TLN2: variants seen among roughly 807,000 people sequenced by gnomAD.
The protein encoded by TLN2 is talin 2.
In TLN2, 118 loss-of-function variants were observed where a neutral mutation model predicts 294.7. The observed-to-expected ratio is 0.40, with a 90% CI of 0.34 to 0.47. The LOEUF is 0.47. TLN2 is among the 20% of genes least tolerant of loss of function. The pLI is 0.84. For synonymous variants in TLN2, 1,431 were observed against 1,304.5 expected, an observed-to-expected ratio of 1.10 and a Z score of -2.09; for missense variants, 3,083 against 3,282.2, an observed-to-expected ratio of 0.94 and a Z score of 1.48.
chr15:62,702,900 G>A, intron 19 of TLN2, 36 bp downstream of exon 19: 2 of 1,590,240 alleles, frequency 1.3e-6, no homozygotes, highest in Non-Finnish European at 1.7e-6. Context: ...ATGGAAAGAA[G>A]TCTAAGTGAT....
intron 42 of TLN2, among the ~76,000 whole-genome samples, chr15:62,772,555 T>A (rs1176213751): frequency 6.6e-6 from 1 of 152,154 alleles, no homozygotes; most frequent in East Asian, 1.9e-4. Context: ...CTGACTCACT[T>A]CTGGGTTGTC....
intron 45 of TLN2, among the ~76,000 whole-genome samples, chr15:62,791,768 G>A (rs926717935): frequency 2.0e-5 from 3 of 152,296 alleles, no homozygotes; most frequent in African/African-American, 7.2e-5. Context: ...TGCCTACCTG[G>A]GCTGGAAGGC....
rs945606093 is a variant in TLN2 at position 62,424,852 on chromosome 15, T to A, written c.-238+34167T>A. On this transcript the variant is annotated intron_variant, in intron 1 of 58. Coordinates refer to ENST00000636159, the MANE Select transcript of TLN2 (RefSeq NM_015059.3). ...ATTTTTAGTAGAGGTGGGGTTTCACTGTGTTGGCCAGGCTGGTCTTGAACT... is the reference window on the plus strand; with the variant it reads ...ATTTTTAGTAGAGGTGGGGTTTCACAGTGTTGGCCAGGCTGGTCTTGAACT... Among the ~76,000 whole-genome samples the A allele has an allele frequency of 2.0e-5, 3 of 147,894 alleles. No homozygotes were observed. In the Admixed American group the frequency reaches 2.0e-4, roughly 10 times the overall value.
At position 62,800,686 on chromosome 15, in the gene TLN2, A is replaced by G. The variant is rs1204423566; in HGVS notation, c.6394A>G (p.Thr2132Ala). Residue 2132 changes from threonine to alanine, a missense_variant, in exon 50 of 59, where the codon ACT becomes GCT. Physicochemically the swap from Thr to Ala is moderately conservative, Grantham distance 58. Transcript: ENST00000636159. ...GACCAATGTCACCTCGCTCCTCAAGACTGTAAAGGCAGTGGAGGATGAGGC... is the reference window on the plus strand; with the variant it reads ...GACCAATGTCACCTCGCTCCTCAAGGCTGTAAAGGCAGTGGAGGATGAGGC... The part of the protein sequence containing the change: ...MVTNVTSLLK[T>A]VKAVEDEATR... The G allele has an allele frequency of 6.2e-7, 1 of 1,614,002 alleles. No homozygotes were observed. Among genetic ancestry groups the G allele is most frequent in the Non-Finnish European group, 8.5e-7 (1 of 1,180,018 alleles).
At chr15:62,578,215 A>T (rs184917893) in intron 1 of TLN2, among the ~76,000 whole-genome samples, 8 of 152,258 alleles carry the variant, frequency 5.3e-5, no homozygotes, top group African/African-American at 1.9e-4. Flanking sequence ...TGACGTGGTA[A>T]ATAAGTTACA....
At chr15:62,720,234 G>T (rs1011640568) in intron 25 of TLN2, among the ~76,000 whole-genome samples, 2 of 152,246 alleles carry the variant, frequency 1.3e-5, no homozygotes, top group Admixed American at 6.5e-5. Context: ...AGATCCTAAT[G>T]CCATTGTTCA....
At chr15:62,481,355 C>G (rs1227766094) in intron 1 of TLN2, among the ~76,000 whole-genome samples, 2 of 152,074 alleles carry the variant, frequency 1.3e-5, no homozygotes, top group Non-Finnish European at 2.9e-5. Flanking sequence ...ACATAAAACA[C>G]TTGTGACCCC....
At chr15:62,653,721 G>A (rs12324510) in intron 7 of TLN2, among the ~76,000 whole-genome samples, 9 of 151,362 alleles carry the variant, frequency 5.9e-5, no homozygotes, top group African/African-American at 2.2e-4. Context: ...AGTGAGACTC[G>A]GTCTCAAAAA....
rs953110295 is a variant in TLN2, at chr15:62,748,251, A to G, written c.4026-100A>G. On this transcript the variant is annotated intron_variant, in intron 32 of 58. Coordinates refer to ENST00000636159, the MANE Select transcript of TLN2 (RefSeq NM_015059.3). ...GAGTTCTCCTGGGGACCCGAGCTGAAATAGTGAATTAATTGTATTTCTGGT... is the reference window on the plus strand; with the variant it reads ...GAGTTCTCCTGGGGACCCGAGCTGAGATAGTGAATTAATTGTATTTCTGGT... 46 of 915,552 alleles carry G rather than the reference A, an allele frequency of 5.0e-5. No homozygotes were observed. In the African/African-American group the frequency reaches 7.4e-4, roughly 15 times the overall value. 56.7% of individuals were successfully genotyped at this position (915,552 alleles called of 1,614,324 possible). A position where few individuals can be genotyped will look rare whatever the true frequency, so the allele number is the denominator to read the frequency against.
chr15:62,398,329 C>G (rs889163855), intron 1 of TLN2, among the ~76,000 whole-genome samples: 1 of 152,034 alleles, frequency 6.6e-6, no homozygotes, highest in Non-Finnish European at 1.5e-5. Flanking sequence ...TTCCTGAGGC[C>G]CCCCAACTGC....
At chr15:62,840,380 T>C in intron 58 of TLN2, 102 bp from the exon 59 acceptor site, 19 of 1,497,980 alleles carry the variant, frequency 1.3e-5, no homozygotes, top group Non-Finnish European at 1.7e-5. Context: ...TGCTGCAGTG[T>C]CCCACGGTCG....
intron 1 of TLN2, among the ~76,000 whole-genome samples, chr15:62,559,817 T>TG (rs995253679): frequency 1.3e-4 from 20 of 152,076 alleles, no homozygotes; most frequent in Admixed American, 3.9e-4. Flanking sequence ...CCTCTTTTGG[T>TG]GGGGGGGTGT....
At chr15:62,537,784 T>C (rs2140513720) in intron 1 of TLN2, among the ~76,000 whole-genome samples, 1 of 152,302 alleles carries the variant, frequency 6.6e-6, no homozygotes. Context: ...TCTGCTCCTG[T>C]GCTCTGGGGA....
At chr15:62,407,960 G>T (rs976868476) in intron 1 of TLN2, among the ~76,000 whole-genome samples, 10 of 138,944 alleles carry the variant, frequency 7.2e-5, no homozygotes, top group Non-Finnish European at 1.5e-4. Context: ...ATAAATAAAA[G>T]AAAAAGGTGC....
intron 1 of TLN2, among the ~76,000 whole-genome samples, chr15:62,469,004 A>T (rs971269033): frequency 2.6e-5 from 4 of 152,180 alleles, no homozygotes; most frequent in Admixed American, 6.5e-5. Context: ...ATGTGAGATG[A>T]CTTTTCTATA....
chr15:62,757,450 T>G (rs913357039), intron 37 of TLN2, among the ~76,000 whole-genome samples: 1 of 152,214 alleles, frequency 6.6e-6, no homozygotes, highest in Non-Finnish European at 1.5e-5. Flanking sequence ...TTCTGGTCGT[T>G]AAAAAACATT....
At chr15:62,399,753 G>A (rs2032880971) in intron 1 of TLN2, among the ~76,000 whole-genome samples, 1 of 152,192 alleles carries the variant, frequency 6.6e-6, no homozygotes, top group Non-Finnish European at 1.5e-5. Context: ...TGGAATGAGT[G>A]TATTTAGGCA....
intron 11 of TLN2, among the ~76,000 whole-genome samples, chr15:62,676,193 G>A (rs113970232): frequency 0.023 from 3,508 of 152,240 alleles, 137 homozygotes; most frequent in African/African-American, 0.08. Context: ...AAGAAGTTAC[G>A]TTGTCCTCTA....
chr15:62,395,840 TTTTA>T (rs1378555751), intron 1 of TLN2, among the ~76,000 whole-genome samples: 1 of 152,122 alleles, frequency 6.6e-6, no homozygotes, highest in African/African-American at 2.4e-5. Context: ...GATTTTTTAT[TTTTA>T]TTTTTATTTT....
Sources: gnomAD v4.1 joint callset for allele counts (sites outside exome capture counted in the v4.1 genomes callset) on GRCh38, gnomAD v4.1.1 for gene constraint, MANE v1.5 for transcripts, NCBI Gene and HGNC (gene_info 2026-07-23, HGNC 2026-07-21) for gene names.